The following EYA4 variants were observed in gnomAD, a reference collection of about 807,000 sequenced individuals.
EYA4 encodes the protein EYA transcriptional coactivator and phosphatase 4, also known as protein phosphatase EYA4.
In EYA4, 31 loss-of-function variants were observed where a neutral mutation model predicts 87.9. The ratio of observed to expected loss-of-function variants is 0.35; its 90% CI spans 0.27 to 0.48. The LOEUF (loss-of-function observed/expected upper bound fraction) is 0.48, where lower values mean the gene tolerates loss of function less well. Ranked by LOEUF, EYA4 falls within the 20% of genes least tolerant of loss-of-function variation. The probability of loss-of-function intolerance (pLI) is 0.99; values close to 1 mark genes in which losing one functional copy is unlikely to be tolerated. For missense variants in EYA4, 678 were observed against 761.4 expected, an observed-to-expected ratio of 0.89 and a Z score of 1.29; for synonymous variants, 263 against 270.6, an observed-to-expected ratio of 0.97 and a Z score of 0.28.
rs550931587 is a variant in EYA4 at position 133,488,018 on chromosome 6, A to G, written c.1191+4903A>G. ...GGGGTGCCCACTGCCCTGAAGGGAGAGCCCTAGGCATGAAAGCATTCGCCA... is the reference window on the plus strand; with the variant it reads ...GGGGTGCCCACTGCCCTGAAGGGAGGGCCCTAGGCATGAAAGCATTCGCCA... On this transcript the variant is annotated intron_variant, in intron 13 of 19. Transcript: ENST00000355286. Among the ~76,000 whole-genome samples the G allele has an allele frequency of 7.2e-5, 11 of 152,166 alleles. No homozygotes were observed. The South Asian group carries it at 2.3e-3, about 32-fold the overall frequency.
At chr6:133,415,897 A>G (rs1789672627) in intron 3 of EYA4, among the ~76,000 whole-genome samples, 2 of 152,274 alleles carry the variant, frequency 1.3e-5, no homozygotes, top group Non-Finnish European at 2.9e-5. Flanking sequence ...AGAGATATGT[A>G]TAGGGAACAT....
chr6:133,450,297 C>T (rs115228027), intron 5 of EYA4, among the ~76,000 whole-genome samples: 2,341 of 152,138 alleles, frequency 0.015, 67 homozygotes, highest in African/African-American at 0.051. Context: ...ATTTCAATGA[C>T]TTTTTATGGT....
Position 133,398,083 on chromosome 6 carries a change from G to T in EYA4, c.83+15642G>T, listed in dbSNP as rs562175167. On this transcript the variant is annotated intron_variant, in intron 3 of 19. Transcript: ENST00000355286. Reference sequence around the variant, plus strand: ...CAACTGAGTGGCCATTAAATGTTTTGTGCTAAATGTAAGAGATAAAACTGG... The same window carrying T: ...CAACTGAGTGGCCATTAAATGTTTTTTGCTAAATGTAAGAGATAAAACTGG... Among the ~76,000 whole-genome samples the T allele has an allele frequency of 2.0e-4, 31 of 152,250 alleles. 1 individual carries two copies. In the South Asian group the frequency reaches 6.4e-3, roughly 32 times the overall value.
intron 3 of EYA4, among the ~76,000 whole-genome samples, chr6:133,391,223 T>TG: frequency 2.2e-5 from 1 of 45,386 alleles, no homozygotes; most frequent in Admixed American, 1.9e-4. Flanking sequence ...TTTGTTTTTG[T>TG]TTTTTTTTTT....
intron 7 of EYA4, 51 bp from the exon 8 acceptor site, chr6:133,462,284 A>G: frequency 6.3e-7 from 1 of 1,598,670 alleles, no homozygotes; most frequent in Non-Finnish European, 8.6e-7. Context: ...GGCTGTCTAA[A>G]TTAATACACA....
intron 3 of EYA4, among the ~76,000 whole-genome samples, chr6:133,424,983 G>T (rs564112124): frequency 6.6e-6 from 1 of 150,734 alleles, no homozygotes; most frequent in Admixed American, 6.6e-5. Context: ...GGCAACCATG[G>T]ATCTTCCTTG....
intron 6 of EYA4, among the ~76,000 whole-genome samples, chr6:133,460,096 A>G (rs1794247411): frequency 6.6e-6 from 1 of 152,134 alleles, no homozygotes; most frequent in South Asian, 2.1e-4. Context: ...TTACAATTCT[A>G]AAAGTTTCGC....
intron 11 of EYA4, among the ~76,000 whole-genome samples, chr6:133,479,984 G>A (rs952490555): frequency 3.3e-5 from 5 of 152,198 alleles, no homozygotes; most frequent in Non-Finnish European, 7.3e-5. Flanking sequence ...ATTGGATTCT[G>A]AAACTGAATT....
chr6:133,425,146 A>G (rs1366084852), intron 3 of EYA4, among the ~76,000 whole-genome samples: 9 of 150,750 alleles, frequency 6.0e-5, no homozygotes, highest in Non-Finnish European at 1.2e-4. Flanking sequence ...TGTTTAATTG[A>G]CCACTTAATC....
At chr6:133,500,785 A>T (rs1798051959) in intron 13 of EYA4, among the ~76,000 whole-genome samples, 1 of 151,860 alleles carries the variant, frequency 6.6e-6, no homozygotes, top group African/African-American at 2.4e-5. Flanking sequence ...TCCCATCACC[A>T]TCGTATCTGC....
chr6:133,359,791 A>G (rs1005475255), intron 2 of EYA4, among the ~76,000 whole-genome samples: 1 of 152,246 alleles, frequency 6.6e-6, no homozygotes, highest in African/African-American at 2.4e-5. Context: ...AGAGTTTCAA[A>G]TCAATTGTGA....
chr6:133,481,749 A>G (rs1405797665), intron 12 of EYA4, 150 bp downstream of exon 12: 1 of 806,602 alleles, frequency 1.2e-6, no homozygotes, highest in African/African-American at 1.7e-5. Flanking sequence ...GCATTTTACA[A>G]CTCTGAAGTT....
intron 2 of EYA4, among the ~76,000 whole-genome samples, chr6:133,378,495 AT>A (rs1785898149): frequency 6.6e-6 from 1 of 152,086 alleles, no homozygotes. Context: ...CATTTTGAAC[AT>A]TTTTAATTCA....
intron 2 of EYA4, among the ~76,000 whole-genome samples, chr6:133,293,019 A>G (rs1778611482): frequency 6.6e-6 from 1 of 152,194 alleles, no homozygotes; most frequent in African/African-American, 2.4e-5. Flanking sequence ...GCCACTGGTC[A>G]TCTTCCCCCC....
chr6:133,434,270 A>G (rs1443592975), intron 3 of EYA4, among the ~76,000 whole-genome samples: 1 of 152,238 alleles, frequency 6.6e-6, no homozygotes, highest in African/African-American at 2.4e-5. Flanking sequence ...TTCTTGGACC[A>G]AAGTTTCAGG....
intron 13 of EYA4, among the ~76,000 whole-genome samples, chr6:133,496,498 C>T (rs1797658524): frequency 6.6e-6 from 1 of 152,174 alleles, no homozygotes; most frequent in African/African-American, 2.4e-5. Flanking sequence ...CATGACCACC[C>T]TTCCCCATCA....
At chr6:133,371,824 T>C (rs998611841) in intron 2 of EYA4, among the ~76,000 whole-genome samples, 4 of 152,112 alleles carry the variant, frequency 2.6e-5, no homozygotes, top group Non-Finnish European at 4.4e-5. Flanking sequence ...CCTACGTGTA[T>C]TGAGGAAACC....
At chr6:133,526,795 T>C (rs1172456879) in intron 19 of EYA4, among the ~76,000 whole-genome samples, 1 of 152,202 alleles carries the variant, frequency 6.6e-6, no homozygotes, top group Non-Finnish European at 1.5e-5. Context: ...TTGTGATTTT[T>C]CTTATTGGCA....
chr6:133,474,014 G>C (rs1270120653), intron 11 of EYA4, among the ~76,000 whole-genome samples: 1 of 152,010 alleles, frequency 6.6e-6, no homozygotes, highest in Non-Finnish European at 1.5e-5. Context: ...ACAAGCAGTG[G>C]AGATACTTCA....
Sources: allele counts gnomAD v4.1 joint callset (sites outside exome capture counted in the v4.1 genomes callset), GRCh38; gene constraint gnomAD v4.1.1; transcripts MANE v1.5; gene names NCBI Gene and HGNC (gene_info 2026-07-23, HGNC 2026-07-21).